Variants in A2ML1 observed in about 807,000 individuals in gnomAD.
The protein encoded by A2ML1 is alpha-2-macroglobulin like 1.
Under a neutral mutation model 181.9 loss-of-function variants are expected in A2ML1, and 161 were observed. The observed-to-expected ratio is 0.89, with a 90% CI of 0.78 to 1.01. A2ML1 has a LOEUF of 1.01. A2ML1 is among the 50% of genes least tolerant of loss of function. The pLI, the probability that A2ML1 is intolerant of heterozygous loss-of-function variation, is 0.00. For missense variants in A2ML1, 1,670 were observed against 1,768.1 expected, an observed-to-expected ratio of 0.94 and a Z score of 1.00; for synonymous variants, 663 against 666.8, an observed-to-expected ratio of 0.99 and a Z score of 0.09.
At chr12:8,827,211 G>T (rs1004973841) in intron 3 of A2ML1, among the ~76,000 whole-genome samples, 2 of 152,082 alleles carry the variant, frequency 1.3e-5, no homozygotes, top group African/African-American at 4.8e-5. Context: ...AAGGTGGCCT[G>T]TGCCTGTAAT....
At position 8,838,491 on chromosome 12, in the gene A2ML1, A is replaced by G. The variant is rs761086654; in HGVS notation, c.970+41A>G. On this transcript the variant is annotated intron_variant, in intron 9 of 35. Transcript: ENST00000299698. ...CTTGGCTCATTAAGAAAAGAGAAAG[A>G]AAAAGGGCTGGTCCCAGGGACAGAT... 10 of 1,516,078 alleles carry G rather than the reference A, an allele frequency of 6.6e-6. No individual in the cohort carries two copies. The Admixed American group carries it at 1.6e-4, about 24-fold the overall frequency. 93.9% of individuals were successfully genotyped at this position (1,516,078 alleles called of 1,614,324 possible).
Position 8,868,056 on chromosome 12 carries a change from AG to A in A2ML1, c.3933+1del. The stretch of plus-strand genomic sequence containing the variant: ...TCAGGCCAGGGCTGTGTCTATGTGC[AG>A]GTAAGTAGAGATCCATGAGAATGAG... ...EASGQGCVYV[Q>X]TVLRYNILPP... On this transcript the variant is annotated frameshift_variant and splice_region_variant, in exon 30 of 36. Transcript: ENST00000299698. LOFTEE classifies it high-confidence loss of function. The A allele has an allele frequency of 6.2e-7, 1 of 1,613,376 alleles. No individual in the cohort carries two copies. The highest frequency in any genetic ancestry group is 1.3e-5 in the African/African-American group (1 of 75,074).
Position 8,850,289 on chromosome 12 carries a change from A to G in A2ML1, c.2234+15A>G. 1 of 1,594,938 alleles carries G rather than the reference A, an allele frequency of 6.3e-7. No homozygotes were observed. Among genetic ancestry groups the G allele is most frequent in the South Asian group, 1.1e-5 (1 of 88,552 alleles). On this transcript the variant is annotated intron_variant, in intron 18 of 35. Coordinates refer to ENST00000299698, the MANE Select transcript of A2ML1 (RefSeq NM_144670.6). ...TTTCCTATTGGGTAAGTGATGACTC[A>G]AAAGTACAGTAAAGGGCCAGGTGCA...
In A2ML1 at chr12:8,841,477, G is replaced by A. The variant is rs749728019; in HGVS notation, c.1189G>A (p.Gly397Ser). 1.9e-6 allele frequency: 3 copies of A among 1,614,078 alleles called. No individual in the cohort carries two copies. Among genetic ancestry groups the A allele is most frequent in the East Asian group, 2.2e-5 (1 of 44,868 alleles). ...FNQTLVTDNN[G>S]LAPFTLETSG... Reference sequence around the variant, plus strand: ...CCAGACCCTGGTTACTGATAACAATGGCCTAGCTCCCTTTACCTTGGAGAC... The same window carrying A: ...CCAGACCCTGGTTACTGATAACAATAGCCTAGCTCCCTTTACCTTGGAGAC... The change falls in exon 11 of 36, where the codon GGC (glycine) becomes AGC (serine). Residue 397 changes from glycine (G) to serine (S), a missense_variant. Physicochemically the swap from Gly to Ser is moderately conservative, Grantham distance 56. Transcript: ENST00000299698.
At chr12:8,884,574 T>C (rs1944903680) in intron 7 of A2ML1, among the ~76,000 whole-genome samples, 1 of 152,204 alleles carries the variant, frequency 6.6e-6, no homozygotes, top group African/African-American at 2.4e-5. Context: ...TCTCACTCTG[T>C]TGCCCAAGCT....
chr12:8,824,301 C>A (rs1195752541), intron 3 of A2ML1, among the ~76,000 whole-genome samples: 3 of 135,240 alleles, frequency 2.2e-5, no homozygotes, highest in Non-Finnish European at 4.6e-5. Context: ...ATTTCAAAGT[C>A]AGGCACCCTG....
At chr12:8,849,155 G>GA (rs371320509) in intron 16 of A2ML1, among the ~76,000 whole-genome samples, 21 of 152,228 alleles carry the variant, frequency 1.4e-4, no homozygotes, top group Middle Eastern at 6.8e-3. Flanking sequence ...AATCAGGAGG[G>GA]AAAATTAGAG....
intron 5 of A2ML1, 28 bp downstream of exon 5, chr12:8,834,710 G>C (rs756777147): frequency 6.2e-7 from 1 of 1,613,472 alleles, no homozygotes; most frequent in East Asian, 2.2e-5. Flanking sequence ...TCTCTTCTCT[G>C]TCAGTTGTGG....
chr12:8,853,501 C>A (rs1451957564), intron 20 of A2ML1, among the ~76,000 whole-genome samples: 1 of 152,124 alleles, frequency 6.6e-6, no homozygotes, highest in Non-Finnish European at 1.5e-5. Context: ...ACCTCTGGCT[C>A]AAGGTATCTC....
intron 7 of A2ML1, among the ~76,000 whole-genome samples, chr12:8,884,660 C>T (rs1944904967): frequency 6.6e-6 from 1 of 152,208 alleles, no homozygotes; most frequent in South Asian, 2.1e-4. Flanking sequence ...TCTCAGGCTG[C>T]CAAGTAGCTG....
At chr12:8,871,714 ATCT>A (rs1185445332) in intron 33 of A2ML1, among the ~76,000 whole-genome samples, 1 of 152,136 alleles carries the variant, frequency 6.6e-6, no homozygotes, top group African/African-American at 2.4e-5. Flanking sequence ...TTATGAACAT[ATCT>A]TCTTATTAAA....
intron 2 of A2ML1, 142 bp downstream of exon 2, chr12:8,823,507 C>T: frequency 8.9e-7 from 1 of 1,119,294 alleles, no homozygotes; most frequent in Non-Finnish European, 1.3e-6. Flanking sequence ...AACCTCAATC[C>T]CCGGCTATAA....
chr12:8,842,077 G>A (rs1019176075), intron 11 of A2ML1, among the ~76,000 whole-genome samples: 2 of 152,218 alleles, frequency 1.3e-5, no homozygotes, highest in African/African-American at 2.4e-5. Flanking sequence ...TCTGCAGATC[G>A]GCTGGCCATA....
intron 25 of A2ML1, 148 bp from the exon 26 acceptor site, chr12:8,857,798 C>T (rs1944120838): frequency 8.3e-7 from 1 of 1,209,456 alleles, no homozygotes; most frequent in Non-Finnish European, 1.2e-6. Flanking sequence ...TCATTGGTGC[C>T]CATTAATGCC....
intron 12 of A2ML1, 102 bp from the exon 13 acceptor site, chr12:8,845,340 G>A: frequency 6.9e-7 from 1 of 1,455,146 alleles, no homozygotes; most frequent in Non-Finnish European, 9.5e-7. Context: ...AACTGTGAAA[G>A]GAACCTCTCC....
chr12:8,861,624 A>G (rs1381680141), intron 28 of A2ML1, among the ~76,000 whole-genome samples: 1 of 151,724 alleles, frequency 6.6e-6, no homozygotes, highest in Admixed American at 6.6e-5. Flanking sequence ...AGTAGCTGGG[A>G]CTACAGGCGC....
chr12:8,841,309 A>C, intron 10 of A2ML1, 60 bp from the exon 11 acceptor site: 2 of 1,482,850 alleles, frequency 1.3e-6, no homozygotes, highest in Non-Finnish European at 1.8e-6. Context: ...ATTTCACTTT[A>C]CCTCATACTC....
chr12:8,824,991 T>G (rs1352316627), intron 3 of A2ML1, among the ~76,000 whole-genome samples: 1 of 152,210 alleles, frequency 6.6e-6, no homozygotes, highest in Admixed American at 6.5e-5. Flanking sequence ...TTTTTTATCA[T>G]CTGTTCATAG....
At chr12:8,885,899 T>C (rs747613269) in intron 7 of A2ML1, among the ~76,000 whole-genome samples, 8 of 152,288 alleles carry the variant, frequency 5.3e-5, no homozygotes, top group African/African-American at 1.7e-4. Flanking sequence ...CTTTTCCCAC[T>C]ACATTACAGC....
Sources: gnomAD v4.1 joint callset for allele counts (sites outside exome capture counted in the v4.1 genomes callset) on GRCh38, gnomAD v4.1.1 for gene constraint, MANE v1.5 for transcripts, NCBI Gene and HGNC (gene_info 2026-07-23, HGNC 2026-07-21) for gene names.